UNC13C: variants seen among roughly 807,000 people sequenced by gnomAD.
The protein encoded by UNC13C is unc-13 homolog C.
A neutral mutation model predicts 245.4 loss-of-function variants in UNC13C; 174 were observed. The observed-to-expected ratio is 0.71, with a 90% CI of 0.63 to 0.80. The LOEUF (loss-of-function observed/expected upper bound fraction) is 0.80, where lower values mean the gene tolerates loss of function less well. UNC13C is among the 30% of genes least tolerant of loss of function. UNC13C has a pLI of 0.00. For synonymous variants in UNC13C, 992 were observed against 895.1 expected, an observed-to-expected ratio of 1.11 and a Z score of -1.93; for missense variants, 2,829 against 2,602.9, an observed-to-expected ratio of 1.09 and a Z score of -1.89.
chr15:54,382,568 C>A (rs778782582), intron 17 of UNC13C, among the ~76,000 whole-genome samples: 3 of 151,534 alleles, frequency 2.0e-5, no homozygotes, highest in African/African-American at 7.3e-5. Flanking sequence ...CAGAGTGAGA[C>A]CCTATCCCAA....
At chr15:54,309,280 C>G (rs1450319698) in intron 13 of UNC13C, among the ~76,000 whole-genome samples, 1 of 151,784 alleles carries the variant, frequency 6.6e-6, no homozygotes, top group Non-Finnish European at 1.5e-5. Context: ...TTTTCATATA[C>G]TATTGGGCAT....
chr15:54,139,963 A>G (rs1897070), intron 2 of UNC13C, among the ~76,000 whole-genome samples: 89,302 of 151,906 alleles, frequency 0.59, 26,661 homozygotes, highest in East Asian at 0.7. Context: ...TGTCTTTAAT[A>G]AAAAATGTTT....
intron 30 of UNC13C, among the ~76,000 whole-genome samples, chr15:54,620,605 G>T (rs1900737459): frequency 6.6e-6 from 1 of 151,942 alleles, no homozygotes; most frequent in Admixed American, 6.6e-5. Context: ...GCTGGGCATG[G>T]CAGCTCACAC....
At chr15:54,514,595 T>C (rs1482961191) in intron 24 of UNC13C, among the ~76,000 whole-genome samples, 1 of 152,254 alleles carries the variant, frequency 6.6e-6, no homozygotes, top group Non-Finnish European at 1.5e-5. Context: ...TGCTTTCCTC[T>C]AATATTATAC....
intron 8 of UNC13C, among the ~76,000 whole-genome samples, chr15:54,252,948 C>A (rs140614073): frequency 1.8e-4 from 27 of 152,068 alleles, no homozygotes; most frequent in African/African-American, 6.0e-4. Context: ...CTACCCATTA[C>A]GCCATATCTT....
chr15:54,411,280 CCT>C (rs778521491), intron 18 of UNC13C, among the ~76,000 whole-genome samples: 6 of 151,728 alleles, frequency 4.0e-5, no homozygotes, highest in Non-Finnish European at 7.4e-5. Flanking sequence ...TTTTTTTCTC[CCT>C]GTTTGTGGCT....
At chr15:54,547,801 A>AATACACACACAC (rs1002667920) in intron 27 of UNC13C, among the ~76,000 whole-genome samples, 2 of 114,086 alleles carry the variant, frequency 1.8e-5, no homozygotes, top group African/African-American at 1.3e-4. Context: ...CACATTTATA[A>AATACACACACAC]ATACACACAC....
chr15:54,369,829 G>C (rs2039448679), intron 17 of UNC13C, among the ~76,000 whole-genome samples: 1 of 152,128 alleles, frequency 6.6e-6, no homozygotes, highest in Admixed American at 6.5e-5. Context: ...ATGTGGGCCT[G>C]TCTGTGCCTG....
chr15:54,627,181 G>C lies in UNC13C; in HGVS notation c.*68G>C. The C allele has an allele frequency of 2.1e-6, 3 of 1,440,898 alleles. No homozygotes were observed. The highest frequency in any genetic ancestry group is 4.3e-5 in the Admixed American group (2 of 46,936). 89.3% of individuals were successfully genotyped at this position (1,440,898 alleles called of 1,614,324 possible). On this transcript the variant is annotated 3_prime_UTR_variant, in exon 33 of 33. Coordinates refer to ENST00000260323, the MANE Select transcript of UNC13C (RefSeq NM_001080534.3). ...TACTGCATGCATGTGCAAATACATG[G>C]GAATGTTTAGTTCACTACATTTCAA...
intron 19 of UNC13C, among the ~76,000 whole-genome samples, chr15:54,416,128 C>G (rs921944897): frequency 6.6e-6 from 1 of 152,056 alleles, no homozygotes; most frequent in Non-Finnish European, 1.5e-5. Flanking sequence ...TGTGGGCCAT[C>G]GTGAGGAGTT....
At chr15:53,935,730 C>T in the UNC13C span, among the ~76,000 whole-genome samples, 1 of 152,134 alleles carries the variant, frequency 6.6e-6, no homozygotes, top group African/African-American at 2.4e-5. Context: ...GAAGAGCCCC[C>T]ACCCTCAGCC....
the UNC13C span, among the ~76,000 whole-genome samples, chr15:53,860,158 G>A: frequency 1.3e-5 from 2 of 152,190 alleles, no homozygotes; most frequent in African/African-American, 4.8e-5. Flanking sequence ...GTATTATATA[G>A]TTATCTCTTT....
intron 10 of UNC13C, among the ~76,000 whole-genome samples, chr15:54,273,054 G>T (rs1244901386): frequency 6.6e-6 from 1 of 152,156 alleles, no homozygotes; most frequent in Non-Finnish European, 1.5e-5. Context: ...GCAGTTGGGG[G>T]TACAAACAGC....
At chr15:53,905,386 T>C in the UNC13C span, among the ~76,000 whole-genome samples, 9 of 110,176 alleles carry the variant, frequency 8.2e-5, no homozygotes, top group Non-Finnish European at 7.4e-5. Flanking sequence ...TACATTTATA[T>C]TATATTACTT....
intron 17 of UNC13C, among the ~76,000 whole-genome samples, chr15:54,376,527 A>G (rs2039610481): frequency 6.6e-6 from 1 of 152,214 alleles, no homozygotes; most frequent in Non-Finnish European, 1.5e-5. Flanking sequence ...TTATTGTTAC[A>G]TGAAAGTCTA....
In UNC13C at chr15:54,352,351, T is replaced by TAG. The variant is rs1302184201; in HGVS notation, c.4713+13863_4713+13864insGA. ...ATAATTATATAAATGTATATATATA[T>TAG]ATAGAGAGAGAGAGAGTGAGTCAGG... On this transcript the variant is annotated intron_variant, in intron 17 of 32. Coordinates refer to ENST00000260323, the MANE Select transcript of UNC13C (RefSeq NM_001080534.3). 3.7e-5 allele frequency among the ~76,000 whole-genome samples: 5 copies of TAG among 133,972 alleles called. No homozygotes were observed. In the East Asian group the frequency reaches 8.3e-4, roughly 22 times the overall value. 87.9% of individuals were successfully genotyped at this position (133,972 alleles called of 152,430 possible). A position where few individuals can be genotyped will look rare whatever the true frequency, so the allele number is the denominator to read the frequency against.
rs538021152 is a variant in UNC13C, at chr15:54,253,484, G to C, written c.3448+3040G>C. ...GGAAACAGGGAGAACAATGAGAAAA[G>C]AGACCTGATTTATACTCCTTCAATA... On this transcript the variant is annotated intron_variant, in intron 8 of 32. Coordinates refer to ENST00000260323, the MANE Select transcript of UNC13C (RefSeq NM_001080534.3). Among the ~76,000 whole-genome samples the C allele has an allele frequency of 2.0e-5, 3 of 152,348 alleles. No homozygotes were observed. In the South Asian group the frequency reaches 6.2e-4, roughly 32 times the overall value.
At chr15:54,240,833 T>C (rs28494922) in intron 7 of UNC13C, among the ~76,000 whole-genome samples, 32,924 of 152,028 alleles carry the variant, frequency 0.22, 5,607 homozygotes, top group African/African-American at 0.47. Context: ...CATCTCTGTT[T>C]TAGTTTCACA....
At chr15:53,945,821 A>G in the UNC13C span, among the ~76,000 whole-genome samples, 27 of 152,284 alleles carry the variant, frequency 1.8e-4, no homozygotes, top group South Asian at 6.2e-4. Context: ...CATTGAATCT[A>G]TAATACTGCT....
Sources: allele counts gnomAD v4.1 joint callset (sites outside exome capture counted in the v4.1 genomes callset), GRCh38; gene constraint gnomAD v4.1.1; transcripts MANE v1.5; gene names NCBI Gene and HGNC (gene_info 2026-07-23, HGNC 2026-07-21).